The following PGBD5 variants were observed in gnomAD, a reference collection of about 807,000 sequenced individuals.
PGBD5 encodes piggyBac transposable element-derived protein 5.
A neutral mutation model predicts 47.9 loss-of-function variants in PGBD5; 14 were observed. The observed-to-expected ratio is 0.29, with a 90% CI of 0.19 to 0.46. PGBD5 has a LOEUF of 0.46. Among genes scored for constraint, PGBD5 ranks in the 20% least tolerant of loss-of-function variants. The pLI, the probability that PGBD5 is intolerant of heterozygous loss-of-function variation, is 1.00. For missense variants in PGBD5, 635 were observed against 716.0 expected, an observed-to-expected ratio of 0.89 and a Z score of 1.29; for synonymous variants, 316 against 306.3, an observed-to-expected ratio of 1.03 and a Z score of -0.33.
In PGBD5 at chr1:230,357,376, C is replaced by T. The variant is rs998318812; in HGVS notation, c.332-55G>A. ...TTAGGACGGCCGCCACACCCTGACT[C>T]GACACGAGAACGGCTGCATTTCCAA... On this transcript the variant is annotated intron_variant, in intron 1 of 6. Coordinates refer to ENST00000391860, the MANE Select transcript of PGBD5 (RefSeq NM_001258311.2). This position sits in a 1 kb window ranked among gnomAD's most constrained non-coding sequence, Gnocchi z 5.7. 34 of 1,563,104 alleles carry T rather than the reference C, an allele frequency of 2.2e-5. No homozygotes were observed. Among genetic ancestry groups the T allele is most frequent in the African/African-American group, 6.8e-5 (5 of 73,922 alleles).
Position 230,322,136 on chromosome 1 carries a change from C to G in PGBD5, c.*1289G>C, listed in dbSNP as rs570990942. On this transcript the variant is annotated 3_prime_UTR_variant, in exon 7 of 7. Transcript: ENST00000391860. The surrounding 1 kb of genome is among the most constrained non-coding windows in gnomAD (Gnocchi z 5.9). The stretch of plus-strand genomic sequence containing the variant: ...GGGATGGTCAGATCTGCCCACCACT[C>G]TGGCACCGAGGCTTCCCTGGAGACG... 3.0e-4 allele frequency: 45 copies of G among 152,348 alleles called. No homozygotes were observed. The highest frequency in any genetic ancestry group is 9.9e-4 in the African/African-American group (41 of 41,574). The allele number at this position is 152,348 out of a possible 1,614,324, so 9.4% of individuals were successfully genotyped here.
At chr1:230,391,000 A>G (rs1045613179) in intron 1 of PGBD5, among the ~76,000 whole-genome samples, 5 of 152,102 alleles carry the variant, frequency 3.3e-5, no homozygotes, top group African/African-American at 1.2e-4. Context: ...TTGGCCTCCC[A>G]AAGTACTGGG....
At position 230,377,690 on chromosome 1, in the gene PGBD5, TA is replaced by T. The variant is rs1668035788; in HGVS notation, c.332-20370del. The T allele has an allele frequency of 2.8e-6, 4 of 1,445,182 alleles. No individual in the cohort carries two copies. The East Asian group carries it at 1.0e-4, about 37-fold the overall frequency. 89.5% of individuals were successfully genotyped at this position (1,445,182 alleles called of 1,614,324 possible). A position where few individuals can be genotyped will look rare whatever the true frequency, so the allele number is the denominator to read the frequency against. On this transcript the variant is annotated intron_variant, in intron 1 of 6. Transcript: ENST00000391860. Reference sequence around the variant, plus strand: ...CACACAGCCTTCATTTCCCCATCTGTAAAATGGCAAAGATTAGAGTATCCAC... The same window carrying T: ...CACACAGCCTTCATTTCCCCATCTGTAAATGGCAAAGATTAGAGTATCCAC...
intron 1 of PGBD5, chr1:230,377,762 C>T: frequency 7.5e-7 from 1 of 1,326,688 alleles, no homozygotes; most frequent in Non-Finnish European, 9.9e-7. Context: ...GTGCATAAAG[C>T]ACAGTGCAGC....
Position 230,323,596 on chromosome 1 carries a change from G to T in PGBD5, c.1404C>A (p.Asn468Lys). The part of the protein sequence containing the change: ...YSKYFISHKP[N>K]KTWQQVFWFA... ...ACCAGAACACCTGCTGCCAGGTCTT[G>T]TTTGGTTTATGAGAAATGAAATACC... is the stretch of plus-strand genomic sequence containing the variant. Residue 468 changes from asparagine to lysine, a missense_variant, in exon 7 of 7, where the codon AAC becomes AAA. Physicochemically the swap from Asn to Lys is moderately conservative, Grantham distance 94 (BLOSUM62 0). Transcript: ENST00000391860. The surrounding 1 kb of genome is among the most constrained non-coding windows in gnomAD (Gnocchi z 4.1). The T allele has an allele frequency of 1.9e-6, 3 of 1,614,038 alleles. No individual in the cohort carries two copies. Among genetic ancestry groups the T allele is most frequent in the Non-Finnish European group, 8.5e-7 (1 of 1,179,948 alleles).
At chr1:230,334,727 T>C (rs984232754) in intron 4 of PGBD5, among the ~76,000 whole-genome samples, 1 of 152,180 alleles carries the variant, frequency 6.6e-6, no homozygotes. Context: ...AGGAGGTACA[T>C]GATGACGCCC....
chr1:230,422,274 T>A (rs558943233), intron 1 of PGBD5, among the ~76,000 whole-genome samples: 1 of 151,930 alleles, frequency 6.6e-6, no homozygotes, highest in Non-Finnish European at 1.5e-5. Flanking sequence ...TTCCTCTGCC[T>A]CCTCCGAGAA....
chr1:230,403,282 A>C (rs4846958), intron 1 of PGBD5, among the ~76,000 whole-genome samples: 33,059 of 152,150 alleles, frequency 0.22, 4,071 homozygotes, highest in Admixed American at 0.38. Context: ...TGTGAAATAA[A>C]ATAATTTAAG....
At chr1:230,345,712 G>A (rs1268671627) in intron 3 of PGBD5, among the ~76,000 whole-genome samples, 1 of 152,212 alleles carries the variant, frequency 6.6e-6, no homozygotes, top group African/African-American at 2.4e-5. Context: ...TGGTGGCAGT[G>A]AGCTGCAGCT....
At chr1:230,350,885 TG>T in intron 3 of PGBD5, 72 bp downstream of exon 3, 1 of 1,563,416 alleles carries the variant, frequency 6.4e-7, no homozygotes, top group Non-Finnish European at 8.6e-7. Context: ...GGGTATCAGA[TG>T]AGCCCAAGTC....
intron 1 of PGBD5, among the ~76,000 whole-genome samples, chr1:230,409,960 G>A (rs1361499545): frequency 3.3e-5 from 5 of 152,146 alleles, no homozygotes; most frequent in Non-Finnish European, 7.3e-5. Context: ...TACTTTAAAT[G>A]TGTACATATT....
At chr1:230,396,168 CCT>C (rs535256007) in intron 1 of PGBD5, among the ~76,000 whole-genome samples, 75 of 138,170 alleles carry the variant, frequency 5.4e-4, no homozygotes, top group Middle Eastern at 3.7e-3. Context: ...CACACTCCTC[CCT>C]TTTACCCACA....
Position 230,323,159 on chromosome 1 carries a change from G to A in PGBD5, c.*266C>T. 1 of 462,858 alleles carries A rather than the reference G, an allele frequency of 2.2e-6. No individual in the cohort carries two copies. The highest frequency in any genetic ancestry group is 3.9e-6 in the Non-Finnish European group (1 of 258,920). The allele number at this position is 462,858 out of a possible 1,614,324, so 28.7% of individuals were successfully genotyped here. A position where few individuals can be genotyped will look rare whatever the true frequency, so the allele number is the denominator to read the frequency against. On this transcript the variant is annotated 3_prime_UTR_variant, in exon 7 of 7. Transcript: ENST00000391860. This position sits in a 1 kb window ranked among gnomAD's most constrained non-coding sequence, Gnocchi z 4.1. The stretch of plus-strand genomic sequence containing the variant: ...CGCAAGCTCCACGGATGTCATGAGA[G>A]AATCTGCCCTTGAGAACGTGGGTGT...
At chr1:230,400,593 T>C (rs909758541) in intron 1 of PGBD5, among the ~76,000 whole-genome samples, 1 of 152,194 alleles carries the variant, frequency 6.6e-6, no homozygotes, top group African/African-American at 2.4e-5. Context: ...CAAAGAACAG[T>C]AGCAGGAGAA....
intron 1 of PGBD5, among the ~76,000 whole-genome samples, chr1:230,387,129 ATT>A (rs917812055): frequency 6.6e-6 from 1 of 152,108 alleles, no homozygotes; most frequent in African/African-American, 2.4e-5. Flanking sequence ...AATAAACCTT[ATT>A]GTCTAGCAGA....
intron 1 of PGBD5, among the ~76,000 whole-genome samples, chr1:230,395,659 T>C (rs1486677599): frequency 1.9e-3 from 4 of 2,098 alleles, no homozygotes; most frequent in Admixed American, 6.2e-3. Flanking sequence ...TCCTCCCCCT[T>C]CTCTCCTCAC....
rs1667004380 is a variant in PGBD5 at position 230,319,550 on chromosome 1, C to A, written c.*3875G>T. The A allele has an allele frequency of 6.6e-6, 1 of 152,180 alleles. No homozygotes were observed. The highest frequency in any genetic ancestry group is 1.5e-5 in the Non-Finnish European group (1 of 68,088). 9.4% of individuals were successfully genotyped at this position (152,180 alleles called of 1,614,324 possible). ...AGCCTGATGCTTGGTGACCCCCCCT[C>A]ACTGTTGGGGGGGCTGAGCCTGGGT... On this transcript the variant is annotated 3_prime_UTR_variant, in exon 7 of 7. Coordinates refer to ENST00000391860, the MANE Select transcript of PGBD5 (RefSeq NM_001258311.2).
intron 1 of PGBD5, among the ~76,000 whole-genome samples, chr1:230,398,177 G>T (rs11586459): frequency 0.033 from 5,084 of 152,286 alleles, 105 homozygotes; most frequent in Middle Eastern, 0.054. Flanking sequence ...AGCCTTGCAC[G>T]TCTCATCTTG....
chr1:230,377,533 G>C, intron 1 of PGBD5: 2 of 1,612,444 alleles, frequency 1.2e-6, no homozygotes, highest in African/African-American at 1.3e-5. Flanking sequence ...ATCCCGGCCG[G>C]GCACTATGCT....
Sources: allele counts gnomAD v4.1 joint callset (sites outside exome capture counted in the v4.1 genomes callset), GRCh38; gene constraint gnomAD v4.1.1; non-coding constraint Gnocchi (gnomAD v3.1); transcripts MANE v1.5; gene names NCBI Gene and HGNC (gene_info 2026-07-23, HGNC 2026-07-21).